The following ADAMTS12 variants were observed in gnomAD, a reference collection of about 807,000 sequenced individuals.
The protein encoded by ADAMTS12 is ADAM metallopeptidase with thrombospondin type 1 motif 12.
Under a neutral mutation model 167.8 loss-of-function variants are expected in ADAMTS12, and 118 were observed. That is an observed-to-expected ratio of 0.70 (90% confidence interval 0.61 to 0.82). The LOEUF is 0.82. Ranked by LOEUF, ADAMTS12 falls within the 40% of genes least tolerant of loss-of-function variation. ADAMTS12 has a pLI of 0.00. For missense variants in ADAMTS12, 1,916 were observed against 1,998.8 expected, an observed-to-expected ratio of 0.96 and a Z score of 0.79; for synonymous variants, 704 against 716.9, an observed-to-expected ratio of 0.98 and a Z score of 0.29.
intron 2 of ADAMTS12, among the ~76,000 whole-genome samples, chr5:33,758,122 C>T (rs897500152): frequency 7.9e-5 from 12 of 152,242 alleles, no homozygotes; most frequent in African/African-American, 2.4e-4. Flanking sequence ...AGTATCCATA[C>T]ATAGTAAGTG....
rs981713239 is a variant in ADAMTS12 at position 33,586,569 on chromosome 5, C to T, written c.2865+2030G>A. Among the ~76,000 whole-genome samples the T allele has an allele frequency of 3.9e-5, 6 of 152,322 alleles. No individual in the cohort carries two copies. In the South Asian group the frequency reaches 6.2e-4, roughly 16 times the overall value. The stretch of plus-strand genomic sequence containing the variant: ...GACAGGTTACTACGCTTCCCATAAA[C>T]GTGAACACATTAAGAAGAACTCCTC... On this transcript the variant is annotated intron_variant, in intron 18 of 23. Transcript: ENST00000504830.
At chr5:33,816,737 A>G (rs1004735561) in intron 2 of ADAMTS12, among the ~76,000 whole-genome samples, 2 of 152,342 alleles carry the variant, frequency 1.3e-5, no homozygotes, top group East Asian at 3.9e-4. Flanking sequence ...TGAGGAAAGC[A>G]CAGGGGTGTC....
At chr5:33,727,327 C>T (rs184450544) in intron 3 of ADAMTS12, among the ~76,000 whole-genome samples, 3 of 152,152 alleles carry the variant, frequency 2.0e-5, no homozygotes, top group Admixed American at 6.5e-5. Flanking sequence ...ATTGGGCTCT[C>T]GCCTCCTTGT....
chr5:33,729,139 A>G (rs1744087590), intron 3 of ADAMTS12, among the ~76,000 whole-genome samples: 2 of 152,190 alleles, frequency 1.3e-5, no homozygotes, highest in African/African-American at 4.8e-5. Flanking sequence ...TCCAAATGTT[A>G]TATTATACAA....
At chr5:33,829,509 G>A (rs1413957379) in intron 2 of ADAMTS12, among the ~76,000 whole-genome samples, 1 of 152,106 alleles carries the variant, frequency 6.6e-6, no homozygotes, top group Admixed American at 6.5e-5. Context: ...ACAGCTAGCT[G>A]CCTGCTATGA....
chr5:33,630,994 A>C, intron 12 of ADAMTS12, 81 bp from the exon 13 acceptor site: 2 of 1,525,516 alleles, frequency 1.3e-6, no homozygotes, highest in Non-Finnish European at 1.8e-6. Context: ...CGTACTTAGG[A>C]CCCCCAAGTG....
chr5:33,561,184 A>G lies in ADAMTS12; in HGVS notation c.3973-5T>C, dbSNP rs930385332. ...CAGGCCACATGTGGTGGAGCACTGT[A>G]GCAGGGAAGGAGAGAGATGACAGAG... On this transcript the variant is annotated splice_polypyrimidine_tract_variant and splice_region_variant and intron_variant, in intron 19 of 23. Coordinates refer to ENST00000504830, the MANE Select transcript of ADAMTS12 (RefSeq NM_030955.4). The G allele has an allele frequency of 6.2e-7, 1 of 1,613,352 alleles. No homozygotes were observed. Among genetic ancestry groups the G allele is most frequent in the Non-Finnish European group, 8.5e-7 (1 of 1,179,794 alleles).
chr5:33,724,998 C>A (rs1360453343), intron 3 of ADAMTS12, among the ~76,000 whole-genome samples: 1 of 152,180 alleles, frequency 6.6e-6, no homozygotes, highest in Non-Finnish European at 1.5e-5. Flanking sequence ...CCAGCTCAGG[C>A]CCGGAAACCC....
chr5:33,879,442 T>C (rs148449541), intron 2 of ADAMTS12, among the ~76,000 whole-genome samples: 459 of 152,236 alleles, frequency 3.0e-3, no homozygotes, highest in African/African-American at 0.01. Flanking sequence ...GCTTCCAGGG[T>C]TGTCTCACAG....
At chr5:33,780,562 G>T (rs572900286) in intron 2 of ADAMTS12, among the ~76,000 whole-genome samples, 4 of 152,212 alleles carry the variant, frequency 2.6e-5, no homozygotes, top group Admixed American at 6.5e-5. Flanking sequence ...AGCTAAGGTG[G>T]TTCAGGTAGA....
intron 16 of ADAMTS12, among the ~76,000 whole-genome samples, chr5:33,598,239 A>G (rs12234073): frequency 0.48 from 72,355 of 151,976 alleles, 17,980 homozygotes; most frequent in South Asian, 0.62. Flanking sequence ...TATGTGCCAG[A>G]TACCAAGCTA....
At chr5:33,608,492 T>C (rs950069730) in intron 16 of ADAMTS12, among the ~76,000 whole-genome samples, 1 of 152,170 alleles carries the variant, frequency 6.6e-6, no homozygotes, top group Non-Finnish European at 1.5e-5. Context: ...TCATCACTTA[T>C]CACGCTTAGA....
At chr5:33,814,442 A>C (rs907018246) in intron 2 of ADAMTS12, among the ~76,000 whole-genome samples, 9 of 152,324 alleles carry the variant, frequency 5.9e-5, no homozygotes, top group African/African-American at 2.2e-4. Flanking sequence ...AATTTGCATA[A>C]GTTAAATTTA....
In ADAMTS12 at chr5:33,613,405, C is replaced by T. The variant is rs888652971; in HGVS notation, c.2527+833G>A. On this transcript the variant is annotated intron_variant, in intron 16 of 23. Transcript: ENST00000504830. ...AGATTCCATGCTCCTCAAATGTCCA[C>T]GTACCCCTCCATAATTGCCAGCCTC... Among the ~76,000 whole-genome samples the T allele has an allele frequency of 3.3e-5, 5 of 152,318 alleles. 1 individual carries two copies. In the South Asian group the frequency reaches 8.3e-4, roughly 25 times the overall value.
At chr5:33,613,387 A>T (rs976770231) in intron 16 of ADAMTS12, among the ~76,000 whole-genome samples, 2 of 152,126 alleles carry the variant, frequency 1.3e-5, no homozygotes, top group Non-Finnish European at 2.9e-5. Flanking sequence ...CAGAGATTCC[A>T]TGCTCCTCAA....
intron 20 of ADAMTS12, among the ~76,000 whole-genome samples, chr5:33,557,441 G>A (rs573237354): frequency 1.3e-5 from 2 of 152,284 alleles, no homozygotes; most frequent in South Asian, 4.1e-4. Context: ...AATTAGCGAA[G>A]CTCAGAGGGA....
rs1352379948 is a variant in ADAMTS12, at chr5:33,843,612, G to C, written c.489+37507C>G. On this transcript the variant is annotated intron_variant, in intron 2 of 23. Transcript: ENST00000504830. ...AAGATATTTTCATAAATATAAAAGG[G>C]AGAAAACCAGAATGAATACTATGAT... Among the ~76,000 whole-genome samples, 2 of 152,310 alleles carry C rather than the reference G, an allele frequency of 1.3e-5. 1 individual carries two copies. Among genetic ancestry groups the C allele is most frequent in the South Asian group, 4.1e-4 (2 of 4,832 alleles).
intron 9 of ADAMTS12, among the ~76,000 whole-genome samples, chr5:33,645,576 T>C (rs1270541672): frequency 6.6e-6 from 1 of 152,160 alleles, no homozygotes; most frequent in Non-Finnish European, 1.5e-5. Context: ...CCCCTTTTAT[T>C]TTTTTTCCTT....
chr5:33,762,702 G>C (rs1213760447), intron 2 of ADAMTS12, among the ~76,000 whole-genome samples: 1 of 152,082 alleles, frequency 6.6e-6, no homozygotes, highest in Non-Finnish European at 1.5e-5. Context: ...TTCTTCCCTG[G>C]AGCATGATAG....
Sources: allele counts gnomAD v4.1 joint callset (sites outside exome capture counted in the v4.1 genomes callset), GRCh38; gene constraint gnomAD v4.1.1; transcripts MANE v1.5; gene names NCBI Gene and HGNC (gene_info 2026-07-23, HGNC 2026-07-21).